PGCKA1: variants seen among roughly 807,000 people sequenced by gnomAD.
PGCKA1 encodes the protein PDCD10 and GCKIII kinases associated 1, also known as PDCD10 and GCKIII kinases-associated protein 1.
the PGCKA1 span, among the ~76,000 whole-genome samples, chr4:37,556,003 G>A: frequency 5.9e-5 from 9 of 152,076 alleles, no homozygotes; most frequent in Non-Finnish European, 1.2e-4. Flanking sequence ...GCACCACCTG[G>A]CATCCCACCC....
chr4:37,553,855 GA>G, the PGCKA1 span, among the ~76,000 whole-genome samples: 1 of 152,190 alleles, frequency 6.6e-6, no homozygotes, highest in South Asian at 2.1e-4. Flanking sequence ...GATAAACACT[GA>G]TGAAACCATG....
the PGCKA1 span, among the ~76,000 whole-genome samples, chr4:37,537,959 G>C: frequency 6.6e-6 from 1 of 152,072 alleles, no homozygotes; most frequent in Admixed American, 6.6e-5. Flanking sequence ...CAAACACATA[G>C]TGAATGCTCA....
the PGCKA1 span, among the ~76,000 whole-genome samples, chr4:37,524,199 C>T: frequency 7.9e-5 from 12 of 152,208 alleles, no homozygotes; most frequent in African/African-American, 2.9e-4. Flanking sequence ...TTATCTATTG[C>T]TGTATAATCT....
At chr4:37,454,283 C>G in the PGCKA1 span, among the ~76,000 whole-genome samples, 11 of 152,034 alleles carry the variant, frequency 7.2e-5, no homozygotes, top group Non-Finnish European at 1.5e-4. Context: ...GGGAGGCGGA[C>G]TTTTACAGAT....
chr4:37,501,126 A>G, the PGCKA1 span, among the ~76,000 whole-genome samples: 5 of 152,094 alleles, frequency 3.3e-5, no homozygotes, highest in Non-Finnish European at 5.9e-5. Flanking sequence ...CAAGATTAGT[A>G]TTCATATGTG....
chr4:37,533,220 G>A, the PGCKA1 span, among the ~76,000 whole-genome samples: 1 of 152,134 alleles, frequency 6.6e-6, no homozygotes, highest in African/African-American at 2.4e-5. Flanking sequence ...CCAAAGAACA[G>A]TAAGTTAATG....
chr4:37,530,329 T>C, the PGCKA1 span, among the ~76,000 whole-genome samples: 1 of 152,274 alleles, frequency 6.6e-6, no homozygotes, highest in South Asian at 2.1e-4. Context: ...CTCAGGACTT[T>C]GGGAGGCCAA....
chr4:37,530,016 T>A, the PGCKA1 span, among the ~76,000 whole-genome samples: 1 of 152,148 alleles, frequency 6.6e-6, no homozygotes, highest in Non-Finnish European at 1.5e-5. Context: ...GTGGGGTAGG[T>A]AAAGGATCAA....
chr4:37,473,584 G>T, the PGCKA1 span, among the ~76,000 whole-genome samples: 15 of 152,218 alleles, frequency 9.9e-5, no homozygotes, highest in African/African-American at 3.6e-4. Flanking sequence ...TACATTTTTG[G>T]ATTTGTTATT....
the PGCKA1 span, among the ~76,000 whole-genome samples, chr4:37,565,671 A>G: frequency 8.2e-3 from 1,246 of 152,236 alleles, 14 homozygotes; most frequent in Non-Finnish European, 0.013. Context: ...AATAAACCCA[A>G]TGTCTAGCCA....
chr4:37,538,736 C>A, the PGCKA1 span, among the ~76,000 whole-genome samples: 102 of 152,290 alleles, frequency 6.7e-4, 1 homozygote, highest in African/African-American at 2.4e-3. Context: ...GGAACTTAAT[C>A]TCCTGTTTAG....
At chr4:37,475,542 T>C in the PGCKA1 span, among the ~76,000 whole-genome samples, 12 of 152,202 alleles carry the variant, frequency 7.9e-5, no homozygotes, top group African/African-American at 2.7e-4. Context: ...AACTACCCTG[T>C]TTCTTTTAAG....
chr4:37,478,880 C>T, the PGCKA1 span, among the ~76,000 whole-genome samples: 1 of 152,130 alleles, frequency 6.6e-6, no homozygotes, highest in African/African-American at 2.4e-5. Context: ...AAGTATGTCC[C>T]GTAAACATCT....
At chr4:37,559,250 G>A in the PGCKA1 span, among the ~76,000 whole-genome samples, 41 of 115,932 alleles carry the variant, frequency 3.5e-4, no homozygotes, top group African/African-American at 1.3e-3. Flanking sequence ...ATACACCATG[G>A]AATACTATGC....
the PGCKA1 span, among the ~76,000 whole-genome samples, chr4:37,535,722 G>A: frequency 5.3e-5 from 8 of 152,134 alleles, no homozygotes; most frequent in Non-Finnish European, 1.2e-4. Flanking sequence ...TTTGGAAAGG[G>A]GCATTACCAC....
the PGCKA1 span, among the ~76,000 whole-genome samples, chr4:37,491,740 T>C: frequency 1.3e-5 from 2 of 152,166 alleles, no homozygotes; most frequent in Non-Finnish European, 2.9e-5. Context: ...TTTCTTGAAT[T>C]ATTTTCTTGA....
chr4:37,453,591 C>T, the PGCKA1 span, among the ~76,000 whole-genome samples: 8 of 152,252 alleles, frequency 5.3e-5, no homozygotes, highest in African/African-American at 1.2e-4. Context: ...TTTGTGTATC[C>T]CCGTACTCCA....
At chr4:37,586,200 A>G in the PGCKA1 span, among the ~76,000 whole-genome samples, 1 of 152,112 alleles carries the variant, frequency 6.6e-6, no homozygotes, top group Non-Finnish European at 1.5e-5. Context: ...CCAAAGTCCC[A>G]CAGTAGCAGG....
At chr4:37,580,121 T>G in the PGCKA1 span, among the ~76,000 whole-genome samples, 1 of 152,144 alleles carries the variant, frequency 6.6e-6, no homozygotes, top group East Asian at 1.9e-4. Flanking sequence ...TTCTGCTTGA[T>G]TATTTTGTTT....
Sources: allele counts gnomAD v4.1 joint callset (sites outside exome capture counted in the v4.1 genomes callset), GRCh38; gene constraint gnomAD v4.1.1; transcripts MANE v1.5; gene names NCBI Gene and HGNC (gene_info 2026-07-23, HGNC 2026-07-21).